Variants in KCTD1 observed in about 807,000 individuals in gnomAD.
The protein encoded by KCTD1 is potassium channel tetramerization domain containing 1.
In KCTD1, 24 loss-of-function variants were observed where a neutral mutation model predicts 66.0. The ratio of observed to expected loss-of-function variants is 0.36; its 90% CI spans 0.26 to 0.51. The LOEUF (loss-of-function observed/expected upper bound fraction) is 0.51, where lower values mean the gene tolerates loss of function less well. Among genes scored for constraint, KCTD1 ranks in the 20% least tolerant of loss-of-function variants. The pLI is 0.95. For synonymous variants in KCTD1, 511 were observed against 517.2 expected, an observed-to-expected ratio of 0.99 and a Z score of 0.16; for missense variants, 943 against 1,205.2, an observed-to-expected ratio of 0.78 and a Z score of 3.22.
chr18:26,583,267 G>A (rs11872603), intron 1 of KCTD1, among the ~76,000 whole-genome samples: 3,596 of 151,714 alleles, frequency 0.024, 99 homozygotes, highest in African/African-American at 0.067. Flanking sequence ...GGTGGCGGGC[G>A]CCTGTAATCC....
chr18:26,518,936 A>G (rs1170859845), intron 1 of KCTD1, among the ~76,000 whole-genome samples: 1 of 152,242 alleles, frequency 6.6e-6, no homozygotes, highest in Non-Finnish European at 1.5e-5. Flanking sequence ...TGTGCTATAC[A>G]AAGTAAACTT....
rs1184947229 is a variant in KCTD1 at position 26,547,077 on chromosome 18, G to A, written c.1460C>T (p.Ala487Val). 6.5e-7 allele frequency: 1 copy of A among 1,537,178 alleles called. No individual in the cohort carries two copies. Among genetic ancestry groups the A allele is most frequent in the Non-Finnish European group, 8.8e-7 (1 of 1,142,790 alleles). Residue 487 changes from alanine to valine, a missense_variant, in exon 1 of 5, where the codon GCG becomes GTG. Coordinates refer to ENST00000580059, the MANE Select transcript of KCTD1 (RefSeq NM_001142730.3). Reference protein sequence around the residue: ...QGCYAEALNGAARHHSHHPPT... With the variant: ...QGCYAEALNGVARHHSHHPPT... ...GGGGTGGTGGGAGTGGTGCCGTGCCGCCCCGTTCAGAGCCTCGGCGTAGCA... is the reference window on the plus strand; with the variant it reads ...GGGGTGGTGGGAGTGGTGCCGTGCCACCCCGTTCAGAGCCTCGGCGTAGCA...
At chr18:26,626,166 C>CCCA (rs377518290) in intron 1 of KCTD1, among the ~76,000 whole-genome samples, 2 of 138,662 alleles carry the variant, frequency 1.4e-5, no homozygotes, top group Non-Finnish European at 1.6e-5. Context: ...AAAAAAAAAA[C>CCCA]AAAAAAAAAA....
At chr18:26,498,616 C>G (rs1020873835) in intron 2 of KCTD1, among the ~76,000 whole-genome samples, 8 of 151,528 alleles carry the variant, frequency 5.3e-5, no homozygotes, top group African/African-American at 1.7e-4. Flanking sequence ...CTTTAAAAAT[C>G]AGTGTATATT....
intron 1 of KCTD1, among the ~76,000 whole-genome samples, chr18:26,639,801 C>T (rs1245549584): frequency 6.6e-6 from 1 of 152,172 alleles, no homozygotes; most frequent in African/African-American, 2.4e-5. Flanking sequence ...TAGTTGGAAG[C>T]AGCAGCGTAG....
upstream of KCTD1, among the ~76,000 whole-genome samples, chr18:26,642,124 G>A (rs1987845350): frequency 6.6e-6 from 1 of 152,160 alleles, no homozygotes; most frequent in Non-Finnish European, 1.5e-5. Flanking sequence ...GCAATGCTGG[G>A]TGGGTTTTTT....
At chr18:26,598,471 T>TACACACACAC (rs4041522) in intron 1 of KCTD1, among the ~76,000 whole-genome samples, 12,533 of 149,652 alleles carry the variant, frequency 0.084, 525 homozygotes, top group Admixed American at 0.095. Flanking sequence ...TCTCTTTTTT[T>TACACACACAC]ACACACACAC....
intron 1 of KCTD1, among the ~76,000 whole-genome samples, chr18:26,582,361 G>A (rs1382294252): frequency 1.3e-5 from 2 of 151,634 alleles, no homozygotes; most frequent in African/African-American, 4.8e-5. Flanking sequence ...ACATGACCAA[G>A]TTCACTCATA....
At chr18:26,550,645 G>A (rs1567991430), upstream of KCTD1, among the ~76,000 whole-genome samples, 1 of 151,778 alleles carries the variant, frequency 6.6e-6, no homozygotes, top group East Asian at 1.9e-4. The surrounding 1 kb of genome is among the most constrained non-coding windows in gnomAD (Gnocchi z 5.4). Context: ...AGAACCGTCC[G>A]GGAATCGTCC....
At chr18:26,560,612 GT>G (rs1442318629) in intron 1 of KCTD1, among the ~76,000 whole-genome samples, 2 of 152,312 alleles carry the variant, frequency 1.3e-5, no homozygotes, top group Non-Finnish European at 2.9e-5. Flanking sequence ...ATTCACACAT[GT>G]CTATTCAGGT....
At chr18:26,521,237 TA>T (rs754546921) in intron 1 of KCTD1, among the ~76,000 whole-genome samples, 11 of 152,192 alleles carry the variant, frequency 7.2e-5, no homozygotes, top group Non-Finnish European at 1.2e-4. Flanking sequence ...AGGTGGCATT[TA>T]GGGGTGCCCA....
At chr18:26,567,543 A>C (rs931018191) in intron 1 of KCTD1, among the ~76,000 whole-genome samples, 9 of 147,776 alleles carry the variant, frequency 6.1e-5, no homozygotes, top group African/African-American at 2.3e-4. Context: ...GCTAGAGTGC[A>C]GTGGCATGAT....
chr18:26,607,580 C>T (rs1231317915), intron 1 of KCTD1, among the ~76,000 whole-genome samples: 1 of 152,032 alleles, frequency 6.6e-6, no homozygotes, highest in Admixed American at 6.5e-5. Context: ...TAGGTCTTTC[C>T]TTCCATAATA....
intron 1 of KCTD1, among the ~76,000 whole-genome samples, chr18:26,594,990 A>G (rs1337312333): frequency 2.1e-5 from 3 of 141,200 alleles, no homozygotes; most frequent in Admixed American, 7.0e-5. Flanking sequence ...CTCTCCCCCA[A>G]CTCCTCCCCT....
Position 26,461,124 on chromosome 18 carries a change from C to G in KCTD1, c.2134-1199G>C, listed in dbSNP as rs57159436. 2.0e-3 allele frequency among the ~76,000 whole-genome samples: 312 copies of G among 152,330 alleles called. 1 individual carries two copies. Among genetic ancestry groups the G allele is most frequent in the African/African-American group, 7.3e-3 (305 of 41,572 alleles). ...CAGATGGGCTAGAGTATGAGAAGCA[C>G]AAGATGACCATGGGATAAATATTTT... On this transcript the variant is annotated intron_variant, in intron 3 of 4. Coordinates refer to ENST00000580059, the MANE Select transcript of KCTD1 (RefSeq NM_001142730.3).
chr18:26,586,333 C>A (rs997083761), intron 1 of KCTD1, among the ~76,000 whole-genome samples: 1 of 152,140 alleles, frequency 6.6e-6, no homozygotes, highest in Non-Finnish European at 1.5e-5. Context: ...GTGCCATGAA[C>A]TGCACCCATA....
chr18:26,517,109 G>A (rs1448810974), intron 1 of KCTD1, among the ~76,000 whole-genome samples: 1 of 152,184 alleles, frequency 6.6e-6, no homozygotes, highest in African/African-American at 2.4e-5. Flanking sequence ...AGGAATCTCT[G>A]GGTTATCAGC....
chr18:26,644,324 G>T (rs1987891979), upstream of KCTD1, among the ~76,000 whole-genome samples: 1 of 152,156 alleles, frequency 6.6e-6, no homozygotes, highest in Admixed American at 6.5e-5. Flanking sequence ...CCGACCGTTG[G>T]CAAGACAGAA....
chr18:26,596,477 G>A lies in KCTD1; in HGVS notation c.-16+32670C>T, dbSNP rs548696152. Among the ~76,000 whole-genome samples the A allele has an allele frequency of 1.4e-4, 22 of 152,302 alleles. 1 individual carries two copies. The East Asian group carries it at 4.2e-3, about 29-fold the overall frequency. ...ACCTAGTCTATGCTATTTTGTTATG[G>A]CAGCCCGAGGGGACTTAATTCTAAT... On this transcript the variant is annotated intron_variant, in intron 1 of 4. Transcript: ENST00000317932.
Sources: gnomAD v4.1 joint callset for allele counts (sites outside exome capture counted in the v4.1 genomes callset) on GRCh38, gnomAD v4.1.1 for gene constraint, Gnocchi (gnomAD v3.1) non-coding constraint, MANE v1.5 for transcripts, NCBI Gene and HGNC (gene_info 2026-07-23, HGNC 2026-07-21) for gene names.